The following KCNK1 variants were observed in gnomAD, a reference collection of about 807,000 sequenced individuals.
The protein encoded by KCNK1 is potassium two pore domain channel subfamily K member 1, also known as potassium channel subfamily K member 1.
In KCNK1, 10 loss-of-function variants were observed where a neutral mutation model predicts 22.2. The observed-to-expected ratio is 0.45, with a 90% CI of 0.28 to 0.76. KCNK1 has a LOEUF of 0.76. Among genes scored for constraint, KCNK1 ranks in the 30% least tolerant of loss-of-function variants. The pLI, the probability that KCNK1 is intolerant of heterozygous loss-of-function variation, is 0.14. For synonymous variants in KCNK1, 200 were observed against 186.4 expected, an observed-to-expected ratio of 1.07 and a Z score of -0.60; for missense variants, 378 against 421.0, an observed-to-expected ratio of 0.90 and a Z score of 0.89.
At position 233,645,173 on chromosome 1, in the gene KCNK1, G is replaced by A. The variant is rs565599992; in HGVS notation, c.356-21422G>A. Among the ~76,000 whole-genome samples the A allele has an allele frequency of 2.1e-4, 32 of 149,750 alleles. No homozygotes were observed. The East Asian group carries it at 6.3e-3, about 29-fold the overall frequency. On this transcript the variant is annotated intron_variant, in intron 1 of 2. Transcript: ENST00000366621. ...CATGCCACTGCACTCCAGCCTGGGT[G>A]ACAGAGTGAGACTTTGTCTCAAAAA...
intron 1 of KCNK1, among the ~76,000 whole-genome samples, chr1:233,633,762 T>A (rs1049776631): frequency 1.3e-5 from 2 of 152,088 alleles, no homozygotes; most frequent in Non-Finnish European, 2.9e-5. Flanking sequence ...GAGAGGATTT[T>A]AAAGGAAGAG....
chr1:233,627,978 C>T (rs959509672), intron 1 of KCNK1, among the ~76,000 whole-genome samples: 3 of 152,194 alleles, frequency 2.0e-5, no homozygotes, highest in Admixed American at 1.3e-4. Context: ...TTCTCTGTTT[C>T]GCTTCACTCA....
intron 1 of KCNK1, among the ~76,000 whole-genome samples, chr1:233,661,025 G>A (rs796553856): frequency 3.3e-5 from 5 of 152,196 alleles, no homozygotes; most frequent in African/African-American, 1.2e-4. Context: ...TCTAGGATTT[G>A]GAAATTGTTA....
At chr1:233,643,895 C>G (rs1302041125) in intron 1 of KCNK1, among the ~76,000 whole-genome samples, 2 of 152,030 alleles carry the variant, frequency 1.3e-5, no homozygotes, top group African/African-American at 4.8e-5. Flanking sequence ...CAAAAATTAC[C>G]CGGGGTCCCA....
intron 1 of KCNK1, among the ~76,000 whole-genome samples, chr1:233,652,142 A>T (rs1658211686): frequency 6.6e-6 from 1 of 152,148 alleles, no homozygotes; most frequent in Non-Finnish European, 1.5e-5. Context: ...GCTGTAGCCT[A>T]ATTCTTACTG....
chr1:233,619,770 C>T (rs755356047), intron 1 of KCNK1, among the ~76,000 whole-genome samples: 5 of 151,962 alleles, frequency 3.3e-5, no homozygotes, highest in African/African-American at 4.8e-5. Context: ...ATTAGCCAGG[C>T]GTGGTGGTGC....
intron 1 of KCNK1, among the ~76,000 whole-genome samples, chr1:233,621,732 T>G (rs1376400726): frequency 6.6e-6 from 1 of 151,552 alleles, no homozygotes; most frequent in Non-Finnish European, 1.5e-5. Context: ...GGTTTGGGGT[T>G]TTTTTTTAAC....
intron 1 of KCNK1, among the ~76,000 whole-genome samples, chr1:233,652,678 A>C (rs1476391676): frequency 1.3e-5 from 2 of 152,150 alleles, no homozygotes; most frequent in Non-Finnish European, 2.9e-5. Flanking sequence ...TGCCATAACT[A>C]TCCATAGACC....
At chr1:233,646,852 A>G (rs1049642980) in intron 1 of KCNK1, among the ~76,000 whole-genome samples, 1 of 152,174 alleles carries the variant, frequency 6.6e-6, no homozygotes, top group East Asian at 1.9e-4. Flanking sequence ...ATTTGTGAAG[A>G]TAGAAGCCAC....
At chr1:233,614,674 T>G in intron 1 of KCNK1, 148 bp downstream of exon 1, 2 of 607,942 alleles carry the variant, frequency 3.3e-6, no homozygotes, top group Non-Finnish European at 2.7e-6. Flanking sequence ...CTCCCCTCAC[T>G]GTCCTCCCGA....
chr1:233,637,842 A>G (rs1393173141), intron 1 of KCNK1, among the ~76,000 whole-genome samples: 1 of 152,072 alleles, frequency 6.6e-6, no homozygotes, highest in African/African-American at 2.4e-5. Flanking sequence ...GGCTGAATAG[A>G]CTCAATATTT....
chr1:233,639,491 T>C (rs1023169586), intron 1 of KCNK1, among the ~76,000 whole-genome samples: 2 of 152,224 alleles, frequency 1.3e-5, no homozygotes, highest in South Asian at 2.1e-4. Context: ...AATCCATTTT[T>C]CCCATAAGCA....
Position 233,626,067 on chromosome 1 carries a change from C to T in KCNK1, c.355+11541C>T, listed in dbSNP as rs145608019. The stretch of plus-strand genomic sequence containing the variant: ...GTTCACTCTGGCTGGTGTAGGAGGG[C>T]AAGGCTGAGGCTGAGACTAAAAGGA... On this transcript the variant is annotated intron_variant, in intron 1 of 2. Coordinates refer to ENST00000366621, the MANE Select transcript of KCNK1 (RefSeq NM_002245.4). Among the ~76,000 whole-genome samples the T allele has an allele frequency of 2.6e-5, 4 of 151,782 alleles. No homozygotes were observed. In the East Asian group the frequency reaches 7.9e-4, roughly 30 times the overall value.
intron 1 of KCNK1, among the ~76,000 whole-genome samples, chr1:233,622,669 G>C (rs1255546898): frequency 6.6e-6 from 1 of 152,202 alleles, no homozygotes; most frequent in Admixed American, 6.5e-5. Flanking sequence ...TAGGGAGTTG[G>C]AGATGTAGAG....
At chr1:233,636,243 G>T (rs1657893869) in intron 1 of KCNK1, among the ~76,000 whole-genome samples, 1 of 152,024 alleles carries the variant, frequency 6.6e-6, no homozygotes, top group Admixed American at 6.6e-5. Flanking sequence ...AAGTTGAGGA[G>T]TAACATGATA....
At chr1:233,621,877 T>G (rs1402839533) in intron 1 of KCNK1, among the ~76,000 whole-genome samples, 1 of 152,226 alleles carries the variant, frequency 6.6e-6, no homozygotes, top group Non-Finnish European at 1.5e-5. Context: ...AATCTTTGAT[T>G]GAACCAGTAT....
chr1:233,638,653 T>A (rs1657952923), intron 1 of KCNK1, among the ~76,000 whole-genome samples: 1 of 152,164 alleles, frequency 6.6e-6, no homozygotes, highest in South Asian at 2.1e-4. Flanking sequence ...GCCATCCTTT[T>A]GGGGCTGAGT....
chr1:233,614,433 T>G lies in KCNK1; in HGVS notation c.262T>G (p.Tyr88Asp). The change falls in exon 1 of 3, where the codon TAC becomes GAC. Residue 88 changes from tyrosine to aspartate, a missense_variant. By Grantham distance (160) the Tyr-to-Asp change is radical. Transcript: ENST00000366621. ...GGGCCGGGTGCTGGAGGCCAGCAAC[T>G]ACGGCGTGTCGGTGCTCAGCAACGC... ...FLGRVLEASN[Y>D]GVSVLSNASG... 1 of 1,613,332 alleles carries G rather than the reference T, an allele frequency of 6.2e-7. No homozygotes were observed. Among genetic ancestry groups the G allele is most frequent in the Non-Finnish European group, 8.5e-7 (1 of 1,179,768 alleles).
intron 1 of KCNK1, among the ~76,000 whole-genome samples, chr1:233,641,061 ATC>A (rs1418080796): frequency 1.3e-5 from 2 of 152,286 alleles, no homozygotes; most frequent in East Asian, 3.9e-4. Context: ...CTAAATTGGC[ATC>A]TCTCTTAAAA....
Sources: gnomAD v4.1 joint callset for allele counts (sites outside exome capture counted in the v4.1 genomes callset) on GRCh38, gnomAD v4.1.1 for gene constraint, MANE v1.5 for transcripts, NCBI Gene and HGNC (gene_info 2026-07-23, HGNC 2026-07-21) for gene names.